Variants in EYS observed in about 807,000 individuals in gnomAD.
EYS encodes the protein protein eyes shut homolog.
Under a neutral mutation model 282.1 loss-of-function variants are expected in EYS, and 250 were observed. The ratio of observed to expected loss-of-function variants is 0.89; its 90% CI spans 0.80 to 0.98. The LOEUF is 0.98. Among genes scored for constraint, EYS ranks in the 50% least tolerant of loss-of-function variants. The probability of loss-of-function intolerance (pLI) is 0.00; values close to 1 mark genes in which losing one functional copy is unlikely to be tolerated. For synonymous variants in EYS, 1,355 were observed against 1,282.9 expected (o/e 1.06, Z -1.20); for missense variants, 4,016 against 3,709.0 (o/e 1.08, Z -2.15).
intron 2 of EYS, among the ~76,000 whole-genome samples, chr6:65,571,472 C>A (rs1562265251): frequency 1.3e-5 from 2 of 151,922 alleles, no homozygotes; most frequent in African/African-American, 2.4e-5. Context: ...TATAAATATA[C>A]TTTTCCCTTA....
At chr6:64,353,549 G>A (rs1419567336) in intron 29 of EYS, among the ~76,000 whole-genome samples, 2 of 151,512 alleles carry the variant, frequency 1.3e-5, no homozygotes, top group African/African-American at 4.8e-5. Context: ...TTCCCTCTGG[G>A]TTTGTTGATG....
intron 12 of EYS, among the ~76,000 whole-genome samples, chr6:65,189,406 C>G (rs1765589846): frequency 6.6e-6 from 1 of 151,628 alleles, no homozygotes; most frequent in African/African-American, 2.4e-5. Context: ...GAAATAAGAG[C>G]AGCCACAGCA....
At chr6:65,490,351 A>T in intron 5 of EYS, 1 of 324,478 alleles carries the variant, frequency 3.1e-6, no homozygotes, top group East Asian at 5.3e-5. Flanking sequence ...AAGTAATTTT[A>T]TGGTGAAAAG....
intron 36 of EYS, among the ~76,000 whole-genome samples, chr6:63,851,293 G>T (rs956612349): frequency 9.9e-5 from 15 of 152,178 alleles, no homozygotes; most frequent in African/African-American, 3.4e-4. Flanking sequence ...GAATATTCAG[G>T]ATGTGAACTC....
At chr6:64,236,834 C>G (rs180800791) in intron 30 of EYS, among the ~76,000 whole-genome samples, 3 of 150,404 alleles carry the variant, frequency 2.0e-5, no homozygotes, top group Admixed American at 6.7e-5. Context: ...GGTACATGTT[C>G]ACAATGTGCC....
chr6:64,082,023 A>G lies in EYS; in HGVS notation c.6425-21T>C. The G allele has an allele frequency of 2.7e-6, 4 of 1,478,320 alleles. 1 individual carries two copies. In the South Asian group the frequency reaches 5.0e-5, roughly 18 times the overall value. 91.6% of individuals were successfully genotyped at this position (1,478,320 alleles called of 1,614,324 possible). A position where few individuals can be genotyped will look rare whatever the true frequency, so the allele number is the denominator to read the frequency against. The stretch of plus-strand genomic sequence containing the variant: ...TGCATCTAAAAAAGAAAATGGTATT[A>G]ATATGTTCTGATAGCATTATATTGC... On this transcript the variant is annotated intron_variant, in intron 31 of 42. Coordinates refer to ENST00000503581, the MANE Select transcript of EYS (RefSeq NM_001142800.2).
intron 12 of EYS, among the ~76,000 whole-genome samples, chr6:65,140,393 C>T (rs1043665924): frequency 1.3e-5 from 2 of 151,424 alleles, no homozygotes; most frequent in African/African-American, 4.8e-5. Flanking sequence ...GGGACTATAA[C>T]AACAGTTTAT....
intron 36 of EYS, among the ~76,000 whole-genome samples, chr6:63,825,977 G>A (rs1397850775): frequency 1.3e-5 from 2 of 152,204 alleles, no homozygotes; most frequent in Non-Finnish European, 2.9e-5. Context: ...AAAGCCCAAT[G>A]TGAGGAAATT....
intron 30 of EYS, among the ~76,000 whole-genome samples, chr6:64,245,634 T>C (rs1448000590): frequency 6.6e-6 from 1 of 152,234 alleles, no homozygotes; most frequent in African/African-American, 2.4e-5. Context: ...TTTGTTCAGC[T>C]GGTTCCTGTC....
intron 26 of EYS, among the ~76,000 whole-genome samples, chr6:64,528,071 A>G (rs933009483): frequency 4.0e-5 from 6 of 151,898 alleles, no homozygotes; most frequent in African/African-American, 1.4e-4. Context: ...AAATTAGGTC[A>G]TATGGTGAAA....
chr6:63,936,117 C>G (rs1027843430), intron 35 of EYS, among the ~76,000 whole-genome samples: 4 of 152,128 alleles, frequency 2.6e-5, no homozygotes, highest in Non-Finnish European at 5.9e-5. Context: ...GTTGTAGATG[C>G]CTGCTCAGGA....
In EYS at chr6:65,210,931, A is replaced by AACACACAC. The variant is rs59095242; in HGVS notation, c.2023+84924_2023+84931dup. Among the ~76,000 whole-genome samples, 932 of 148,496 alleles carry AACACACAC rather than the reference A, an allele frequency of 6.3e-3. 13 individuals carry two copies. Among genetic ancestry groups the AACACACAC allele is most frequent in the African/African-American group, 0.022 (888 of 40,598 alleles). ...TTTAATTTACCTATAAAGTCGTACAAACACACACACACACACACACACACA... is the reference window on the plus strand; with the variant it reads ...TTTAATTTACCTATAAAGTCGTACAAACACACACACACACACACACACACACACACACA... On this transcript the variant is annotated intron_variant, in intron 12 of 42. Coordinates refer to ENST00000503581, the MANE Select transcript of EYS (RefSeq NM_001142800.2).
chr6:64,157,884 C>A (rs1774982259), intron 31 of EYS, among the ~76,000 whole-genome samples: 1 of 152,194 alleles, frequency 6.6e-6, no homozygotes, highest in Admixed American at 6.5e-5. Context: ...CACAGAGTCC[C>A]TACTGGGGCA....
intron 30 of EYS, among the ~76,000 whole-genome samples, chr6:64,247,057 A>G (rs1158378485): frequency 2.6e-5 from 4 of 152,120 alleles, no homozygotes; most frequent in Non-Finnish European, 5.9e-5. Flanking sequence ...TTCATGTCAA[A>G]TGGAAACATT....
chr6:64,442,605 A>C (rs143589728), intron 26 of EYS, among the ~76,000 whole-genome samples: 1 of 152,238 alleles, frequency 6.6e-6, no homozygotes, highest in South Asian at 2.1e-4. Flanking sequence ...GGGCCAGGCT[A>C]AGGGTATTTC....
At chr6:65,329,840 C>A in intron 11 of EYS, 1 of 982,210 alleles carries the variant, frequency 1.0e-6, no homozygotes. Flanking sequence ...TACAAGCCTC[C>A]TGACTCTACA....
At chr6:63,804,801 G>T (rs1770862809) in intron 37 of EYS, among the ~76,000 whole-genome samples, 1 of 152,164 alleles carries the variant, frequency 6.6e-6, no homozygotes, top group South Asian at 2.1e-4. Context: ...CCTTTTAAGA[G>T]GCTAACTCTT....
At chr6:64,865,726 T>A (rs1039195077) in intron 19 of EYS, among the ~76,000 whole-genome samples, 2 of 152,112 alleles carry the variant, frequency 1.3e-5, no homozygotes, top group African/African-American at 4.8e-5. Flanking sequence ...AAGGTAAGAA[T>A]GTAGAAACAC....
chr6:65,376,683 T>G (rs1211151458), intron 8 of EYS, among the ~76,000 whole-genome samples: 1 of 152,108 alleles, frequency 6.6e-6, no homozygotes, highest in Non-Finnish European at 1.5e-5. Flanking sequence ...GAGGACTATT[T>G]ACCAACAAAT....
Sources: allele counts gnomAD v4.1 joint callset (sites outside exome capture counted in the v4.1 genomes callset), GRCh38; gene constraint gnomAD v4.1.1; transcripts MANE v1.5; gene names NCBI Gene and HGNC (gene_info 2026-07-23, HGNC 2026-07-21).